Variants in ITGB8 observed in about 807,000 individuals in gnomAD.
ITGB8 encodes the protein integrin beta-8.
In ITGB8, 30 loss-of-function variants were observed where a neutral mutation model predicts 89.5. That is an observed-to-expected ratio of 0.34 (90% CI 0.25 to 0.45). The LOEUF (loss-of-function observed/expected upper bound fraction) is 0.45. ITGB8 is among the 20% of genes least tolerant of loss of function. The probability of loss-of-function intolerance (pLI) is 1.00; values close to 1 mark genes in which losing one functional copy is unlikely to be tolerated. For missense variants in ITGB8, 836 were observed against 933.3 expected (o/e 0.90, Z 1.36); for synonymous variants, 335 against 320.4 (o/e 1.05, Z -0.49).
Position 20,405,980 on chromosome 7 carries a change from G to C in ITGB8, c.1914-82G>C, listed in dbSNP as rs891204773. The stretch of plus-strand genomic sequence containing the variant: ...TGAATTGTTTCTGCATTGTTATTTT[G>C]TCTTTTTTTTTCTTGCAGAAAATAT... On this transcript the variant is annotated intron_variant, in intron 11 of 13. Transcript: ENST00000222573. The C allele has an allele frequency of 3.9e-5, 32 of 821,338 alleles. No individual in the cohort carries two copies. The African/African-American group carries it at 5.5e-4, about 14-fold the overall frequency. The allele number at this position is 821,338 out of a possible 1,614,324, so 50.9% of individuals were successfully genotyped here. A position where few individuals can be genotyped will look rare whatever the true frequency, so the allele number is the denominator to read the frequency against.
chr7:20,380,777 CAT>C lies in ITGB8; in HGVS notation c.749_750del (p.Ile250ArgfsTer8). On this transcript the variant is annotated frameshift_variant, in exon 5 of 14. Transcript: ENST00000222573. LOFTEE classifies it high-confidence loss of function. ...AVHRQKISGN[I>X]DTPEGGFDAM... ...TTCATAGACAGAAGATCTCTGGAAA[CAT>C]AGATACACCAGAAGGAGGTTTTGAC... 3 of 1,613,868 alleles carry C rather than the reference CAT, an allele frequency of 1.9e-6. No individual in the cohort carries two copies. The highest frequency in any genetic ancestry group is 2.2e-5 in the East Asian group (1 of 44,870).
In ITGB8 at chr7:20,341,154, A is replaced by C. The variant is rs180762141; in HGVS notation, c.127+9221A>C. Among the ~76,000 whole-genome samples the C allele has an allele frequency of 4.6e-5, 7 of 152,350 alleles. No homozygotes were observed. In the East Asian group the frequency reaches 1.3e-3, roughly 29 times the overall value. On this transcript the variant is annotated intron_variant, in intron 1 of 13. Coordinates refer to ENST00000222573, the MANE Select transcript of ITGB8 (RefSeq NM_002214.3). ...ACTGGCTGGTCTCTTTCTTAGTACA[A>C]ATCATACCTCCCAAGGTATTGCTCC...
In ITGB8 at chr7:20,331,472, G is replaced by T. The variant is rs1170923270; in HGVS notation, c.-335G>T. 7 of 416,986 alleles carry T rather than the reference G, an allele frequency of 1.7e-5. No individual in the cohort carries two copies. Among genetic ancestry groups the T allele is most frequent in the Non-Finnish European group, 2.1e-5 (5 of 239,164 alleles). The allele number at this position is 416,986 out of a possible 1,614,324, so 25.8% of individuals were successfully genotyped here. ...CCCCACCGGCTGGAGAGAAACAAAA[G>T]CTCTTTTCTTTGTCCCGGAGCAGGC... On this transcript the variant is annotated 5_prime_UTR_variant, in exon 1 of 14. Transcript: ENST00000222573.
At chr7:20,352,785 A>G (rs1434167132) in intron 1 of ITGB8, 1 of 152,192 alleles carries the variant, frequency 6.6e-6, no homozygotes, top group Non-Finnish European at 1.5e-5. Context: ...CTTAGACTTC[A>G]GTTTTCCTGA....
At position 20,393,140 on chromosome 7, in the gene ITGB8, T is replaced by C. The variant is rs146054923; in HGVS notation, c.1056+1642T>C. ...CTCTGCTCTTAACCTCTAAGCTTAA[T>C]AGTTTACTTTGAAATACCATGCAGC... On this transcript the variant is annotated intron_variant, in intron 7 of 13. Coordinates refer to ENST00000222573, the MANE Select transcript of ITGB8 (RefSeq NM_002214.3). 6.9e-3 allele frequency among the ~76,000 whole-genome samples: 1,053 copies of C among 152,346 alleles called. 10 individuals are homozygous for C. Among genetic ancestry groups the C allele is most frequent in the Middle Eastern group, 0.014 (4 of 294 alleles).
chr7:20,394,660 A>G (rs535037510), intron 7 of ITGB8, among the ~76,000 whole-genome samples: 4 of 152,348 alleles, frequency 2.6e-5, no homozygotes, highest in African/African-American at 9.6e-5. Context: ...GTCATCAGGT[A>G]CAGTGATTCC....
At chr7:20,354,083 T>C (rs1439970731) in intron 1 of ITGB8, among the ~76,000 whole-genome samples, 1 of 152,080 alleles carries the variant, frequency 6.6e-6, no homozygotes, top group Non-Finnish European at 1.5e-5. Context: ...CTTAAGAATA[T>C]ATGTAGTCAA....
At chr7:20,379,412 TA>T in intron 4 of ITGB8, 115 bp downstream of exon 4, 1 of 637,002 alleles carries the variant, frequency 1.6e-6, no homozygotes, top group Non-Finnish European at 2.3e-6. Flanking sequence ...AAAATAAGAA[TA>T]AAAATATTTG....
chr7:20,370,303 C>T (rs1395175180), intron 3 of ITGB8, among the ~76,000 whole-genome samples: 2 of 151,382 alleles, frequency 1.3e-5, no homozygotes, highest in Non-Finnish European at 2.9e-5. Context: ...AAATATTAAG[C>T]ACAAAAATCT....
At chr7:20,357,046 A>T (rs929208474) in intron 1 of ITGB8, among the ~76,000 whole-genome samples, 2 of 152,142 alleles carry the variant, frequency 1.3e-5, no homozygotes, top group Admixed American at 1.3e-4. Flanking sequence ...TTGATGATGG[A>T]TATTTATTAT....
At chr7:20,373,017 G>C (rs901284227) in intron 3 of ITGB8, among the ~76,000 whole-genome samples, 2 of 152,034 alleles carry the variant, frequency 1.3e-5, no homozygotes, top group Admixed American at 1.3e-4. Context: ...AGAATCAAGG[G>C]CTTGATATAA....
rs575597418 is a variant in ITGB8, at chr7:20,354,402, A to G, written c.128-9235A>G. On this transcript the variant is annotated intron_variant, in intron 1 of 13. Transcript: ENST00000222573. Reference sequence around the variant, plus strand: ...TTTAAAACTTTACATTTATTCTGTTAGAGTCTCTTATTTATCTTTCAAAAC... The same window carrying G: ...TTTAAAACTTTACATTTATTCTGTTGGAGTCTCTTATTTATCTTTCAAAAC... Among the ~76,000 whole-genome samples, 80 of 152,340 alleles carry G rather than the reference A, an allele frequency of 5.3e-4. 1 individual carries two copies. Among genetic ancestry groups the G allele is most frequent in the African/African-American group, 1.8e-3 (76 of 41,576 alleles).
In ITGB8 at chr7:20,331,437, G is replaced by A. The variant is rs1309812075; in HGVS notation, c.-370G>A. 4 of 408,666 alleles carry A rather than the reference G, an allele frequency of 9.8e-6. No homozygotes were observed. Among genetic ancestry groups the A allele is most frequent in the Non-Finnish European group, 1.7e-5 (4 of 233,876 alleles). 25.3% of individuals were successfully genotyped at this position (408,666 alleles called of 1,614,324 possible). A position where few individuals can be genotyped will look rare whatever the true frequency, so the allele number is the denominator to read the frequency against. On this transcript the variant is annotated 5_prime_UTR_variant, in exon 1 of 14. The change abolishes an upstream ATG in the 5' untranslated region. Transcript: ENST00000222573. Reference sequence around the variant, plus strand: ...TTGGCTCTTCGCTAAGCTGATTTATGCAGCAGAAGCCCCACCGGCTGGAGA... The same window carrying A: ...TTGGCTCTTCGCTAAGCTGATTTATACAGCAGAAGCCCCACCGGCTGGAGA...
intron 1 of ITGB8, among the ~76,000 whole-genome samples, chr7:20,361,555 G>A (rs989739688): frequency 1.3e-5 from 2 of 152,086 alleles, no homozygotes; most frequent in South Asian, 4.2e-4. Flanking sequence ...GAAGGGTGGG[G>A]CCCTCATGAT....
chr7:20,401,667 T>C (rs1193693994), intron 9 of ITGB8, 54 bp from the exon 10 acceptor site: 8 of 1,034,984 alleles, frequency 7.7e-6, no homozygotes, highest in Non-Finnish European at 9.5e-6. Context: ...ATAATATTGG[T>C]AATAAAAATA....
chr7:20,395,027 C>T (rs768604170), intron 8 of ITGB8, 42 bp downstream of exon 8: 24 of 1,218,060 alleles, frequency 2.0e-5, no homozygotes, highest in Admixed American at 1.4e-4. Context: ...AAAATTTTTA[C>T]CTCAATTTCT....
chr7:20,346,957 T>A, intron 1 of ITGB8: 1 of 597,888 alleles, frequency 1.7e-6, no homozygotes, highest in Non-Finnish European at 2.1e-6. Context: ...GTAATGGCAT[T>A]AAAGGTGGGG....
chr7:20,406,136 T>A lies in ITGB8; in HGVS notation c.1988T>A (p.Leu663His), dbSNP rs1787533876. ...GATCAGTGCAAAACCTCATGTGCTCTCATGGAACAACAGCATTATGTCGAC... is the reference window on the plus strand; with the variant it reads ...GATCAGTGCAAAACCTCATGTGCTCACATGGAACAACAGCATTATGTCGAC... ...ILDQCKTSCA[L>H]MEQQHYVDQT... The change falls in exon 12 of 14, where the codon CTC (leucine) becomes CAC (histidine). Residue 663 changes from leucine to histidine, a missense_variant. Leu to His is a moderately conservative substitution (Grantham distance 99). This residue lies in a region of ITGB8 where 422 missense variants were observed against 416.9 expected (regional missense o/e 1.01). Transcript: ENST00000222573. 1.9e-6 allele frequency: 3 copies of A among 1,612,680 alleles called. No homozygotes were observed. In the Admixed American group the frequency reaches 5.0e-5, roughly 27 times the overall value.
rs1172458878 is a variant in ITGB8, at chr7:20,409,717, TACA to T, written c.2128_2130del (p.Gln710del). ...GTCCTGATCATTAGACAGGTGATAC[TACA>T]ATGGAATAGTAATAAAATTAAGTCC... On this transcript the variant is annotated inframe_deletion, in exon 13 of 14. Transcript: ENST00000222573. 9.9e-6 allele frequency: 16 copies of T among 1,610,904 alleles called. No individual in the cohort carries two copies. Among genetic ancestry groups the T allele is most frequent in the Admixed American group, 1.7e-5 (1 of 59,942 alleles).
Sources: gnomAD v4.1 joint callset for allele counts (sites outside exome capture counted in the v4.1 genomes callset) on GRCh38, gnomAD v4.1.1 for gene constraint, gnomAD v4.1.1 regional missense constraint, MANE v1.5 for transcripts, NCBI Gene and HGNC (gene_info 2026-07-23, HGNC 2026-07-21) for gene names.